The following PTPRA variants were observed in gnomAD, a reference collection of about 807,000 sequenced individuals.
PTPRA encodes the protein receptor-type tyrosine-protein phosphatase alpha.
Under a neutral mutation model 104.8 loss-of-function variants are expected in PTPRA, and 25 were observed. That is an observed-to-expected ratio of 0.24 (90% CI 0.17 to 0.33). The LOEUF (loss-of-function observed/expected upper bound fraction) is 0.33. Among genes scored for constraint, PTPRA ranks in the 10% least tolerant of loss-of-function variants. The probability of loss-of-function intolerance (pLI) is 1.00; values close to 1 mark genes in which losing one functional copy is unlikely to be tolerated. For missense variants in PTPRA, 765 were observed against 1,015.3 expected (o/e 0.75, Z 3.35); for synonymous variants, 323 against 368.9 (o/e 0.88, Z 1.43).
the PTPRA span, chr20:2,864,707 T>C: frequency 6.3e-7 from 1 of 1,577,452 alleles, no homozygotes; most frequent in Non-Finnish European, 8.7e-7. This position sits in a 1 kb window ranked among gnomAD's most constrained non-coding sequence, Gnocchi z 5.2. Flanking sequence ...GCTGGGGCTG[T>C]TGGTCCGGTT....
chr20:2,986,286 C>G (rs2062907160), intron 6 of PTPRA, among the ~76,000 whole-genome samples: 2 of 152,130 alleles, frequency 1.3e-5, no homozygotes, highest in African/African-American at 4.8e-5. Flanking sequence ...CTGTCTTTTT[C>G]CCTTCCTCTC....
intron 2 of PTPRA, among the ~76,000 whole-genome samples, chr20:2,944,505 G>A (rs1027860976): frequency 6.6e-6 from 1 of 152,218 alleles, no homozygotes; most frequent in East Asian, 1.9e-4. Context: ...CATTATGACA[G>A]CAGTGTTCCC....
intron 1 of PTPRA, among the ~76,000 whole-genome samples, chr20:2,921,814 C>T (rs763356025): frequency 5.3e-5 from 8 of 152,100 alleles, no homozygotes; most frequent in Non-Finnish European, 1.0e-4. Context: ...ACCCAGATTG[C>T]CTGATAGAGG....
At chr20:2,977,727 G>A (rs1031949277) in intron 6 of PTPRA, among the ~76,000 whole-genome samples, 18 of 150,662 alleles carry the variant, frequency 1.2e-4, no homozygotes, top group Admixed American at 4.0e-4. Flanking sequence ...TTTTACATTC[G>A]GCATTTATTC....
At chr20:2,988,701 C>G (rs1033107507) in intron 9 of PTPRA, among the ~76,000 whole-genome samples, 3 of 152,222 alleles carry the variant, frequency 2.0e-5, no homozygotes, top group African/African-American at 7.2e-5. Flanking sequence ...CATCACATCT[C>G]TTACTTCTTT....
intron 1 of PTPRA, among the ~76,000 whole-genome samples, chr20:2,896,705 T>C (rs941981555): frequency 1.3e-5 from 2 of 152,192 alleles, no homozygotes; most frequent in African/African-American, 4.8e-5. Context: ...TCACAGACCC[T>C]ACTCAAATTT....
intron 2 of PTPRA, among the ~76,000 whole-genome samples, chr20:2,939,284 T>C (rs750765485): frequency 6.6e-5 from 10 of 152,216 alleles, no homozygotes; most frequent in African/African-American, 1.2e-4. Flanking sequence ...CTCCTCACCA[T>C]AATCCTTTCC....
At chr20:2,895,392 ATTC>A (rs2058960073) in intron 1 of PTPRA, among the ~76,000 whole-genome samples, 1 of 151,940 alleles carries the variant, frequency 6.6e-6, no homozygotes, top group Admixed American at 6.6e-5. Context: ...CCTACTACAT[ATTC>A]TTTTAGACCC....
intron 10 of PTPRA, among the ~76,000 whole-genome samples, chr20:3,006,247 G>T (rs1231778962): frequency 3.9e-5 from 6 of 152,110 alleles, no homozygotes; most frequent in South Asian, 2.1e-4. Context: ...GGGGTGCAAT[G>T]ATGTGATCAT....
At chr20:2,864,314 G>A in the PTPRA span, 1 of 1,613,806 alleles carries the variant, frequency 6.2e-7, no homozygotes, top group Admixed American at 1.7e-5. This position sits in a 1 kb window ranked among gnomAD's most constrained non-coding sequence, Gnocchi z 5.2. Context: ...GGGGCCCCTG[G>A]GCTAAGTGGG....
intron 1 of PTPRA, among the ~76,000 whole-genome samples, chr20:2,893,172 T>C (rs1427937036): frequency 6.6e-6 from 1 of 152,226 alleles, no homozygotes; most frequent in Non-Finnish European, 1.5e-5. Context: ...GACTTGTTTG[T>C]TTTGCAGTTT....
chr20:3,037,977 C>A lies in PTPRA; in HGVS notation c.2335-82C>A. 8.1e-7 allele frequency: 1 copy of A among 1,228,824 alleles called. No homozygotes were observed. Among genetic ancestry groups the A allele is most frequent in the Non-Finnish European group, 1.2e-6 (1 of 847,890 alleles). The allele number at this position is 1,228,824 out of a possible 1,614,324, so 76.1% of individuals were successfully genotyped here. On this transcript the variant is annotated intron_variant, in intron 23 of 23. Coordinates refer to ENST00000399903, the MANE Select transcript of PTPRA (RefSeq NM_001385305.1). This position sits in a 1 kb window ranked among gnomAD's most constrained non-coding sequence, Gnocchi z 4.3. ...GTTCCTCTTGATTTTCCATCTTCAA[C>A]AAAAAAATGAGTCTGTTAGGAATTA...
At chr20:2,920,735 G>A (rs188464809) in intron 1 of PTPRA, among the ~76,000 whole-genome samples, 2 of 152,128 alleles carry the variant, frequency 1.3e-5, no homozygotes, top group Non-Finnish European at 2.9e-5. Context: ...CCCCTGGTTT[G>A]AGGTGGGAGA....
chr20:2,902,552 A>G (rs568591476), intron 1 of PTPRA, among the ~76,000 whole-genome samples: 200 of 152,288 alleles, frequency 1.3e-3, no homozygotes, highest in Non-Finnish European at 1.7e-3. Flanking sequence ...AATAACACAT[A>G]TTGGAAAGAT....
chr20:2,899,217 T>A (rs2147084011), intron 1 of PTPRA, among the ~76,000 whole-genome samples: 1 of 152,144 alleles, frequency 6.6e-6, no homozygotes, highest in Non-Finnish European at 1.5e-5. Flanking sequence ...GCACCTATAG[T>A]CCTAGCTAGA....
intron 11 of PTPRA, among the ~76,000 whole-genome samples, chr20:3,011,686 T>C (rs1444318866): frequency 6.6e-6 from 1 of 152,206 alleles, no homozygotes; most frequent in Non-Finnish European, 1.5e-5. Context: ...AGGTAGTGGA[T>C]GTCAAGTGTG....
At chr20:2,901,297 T>G (rs1187132002) in intron 1 of PTPRA, among the ~76,000 whole-genome samples, 2 of 152,086 alleles carry the variant, frequency 1.3e-5, no homozygotes, top group East Asian at 3.9e-4. Context: ...AGAATTACAG[T>G]CTGCACTGCT....
chr20:2,954,733 T>C (rs2061475753), intron 3 of PTPRA, among the ~76,000 whole-genome samples: 1 of 152,262 alleles, frequency 6.6e-6, no homozygotes, highest in South Asian at 2.1e-4. Context: ...TTTGTTTTGT[T>C]GCTTGTGCTT....
At chr20:3,032,618 T>G (rs2065540791) in intron 20 of PTPRA, among the ~76,000 whole-genome samples, 1 of 151,488 alleles carries the variant, frequency 6.6e-6, no homozygotes, top group Admixed American at 6.6e-5. Context: ...ATACAAAAAT[T>G]AGCTGGGCGC....
Sources: gnomAD v4.1 joint callset for allele counts (sites outside exome capture counted in the v4.1 genomes callset) on GRCh38, gnomAD v4.1.1 for gene constraint, Gnocchi (gnomAD v3.1) non-coding constraint, MANE v1.5 for transcripts, NCBI Gene and HGNC (gene_info 2026-07-23, HGNC 2026-07-21) for gene names.